Variants in EXOC2 observed in about 807,000 individuals in gnomAD.
The protein encoded by EXOC2 is exocyst complex component 2.
Under a neutral mutation model 131.8 loss-of-function variants are expected in EXOC2, and 70 were observed. The ratio of observed to expected loss-of-function variants is 0.53; its 90% CI spans 0.44 to 0.65. EXOC2 has a LOEUF of 0.65. Ranked by LOEUF, EXOC2 falls within the 30% of genes least tolerant of loss-of-function variation. EXOC2 has a pLI of 0.00. For missense variants in EXOC2, 923 were observed against 1,108.6 expected (o/e 0.83, Z 2.38); for synonymous variants, 411 against 398.4 (o/e 1.03, Z -0.38).
intron 23 of EXOC2, among the ~76,000 whole-genome samples, chr6:512,336 T>A (rs1000873147): frequency 1.3e-5 from 2 of 152,240 alleles, no homozygotes; most frequent in African/African-American, 4.8e-5. Context: ...CTCTTCCTCC[T>A]CAGCCTACTC....
intron 4 of EXOC2, among the ~76,000 whole-genome samples, chr6:620,461 C>T (rs1360589264): frequency 6.6e-6 from 1 of 152,302 alleles, no homozygotes; most frequent in East Asian, 1.9e-4. Flanking sequence ...GATTTGCCGC[C>T]CCCTCTAAGA....
chr6:603,100 G>A (rs1013407323), intron 7 of EXOC2, among the ~76,000 whole-genome samples: 1 of 152,176 alleles, frequency 6.6e-6, no homozygotes, highest in South Asian at 2.1e-4. Context: ...GACAGATCAC[G>A]GAAGTGATTT....
intron 6 of EXOC2, among the ~76,000 whole-genome samples, chr6:617,254 C>T (rs1761060534): frequency 6.6e-6 from 1 of 152,238 alleles, no homozygotes; most frequent in African/African-American, 2.4e-5. Context: ...CATACAACGT[C>T]CCTCCCATAC....
rs73371945 is a variant in EXOC2, at chr6:594,629, C to T, written c.1074-2042G>A. On this transcript the variant is annotated intron_variant, in intron 10 of 27. Transcript: ENST00000230449. Reference sequence around the variant, plus strand: ...TTGCTTAGTGGCTTTTTACATTATACGTCTCTTTAAAATGTTGACTGTGTC... The same window carrying T: ...TTGCTTAGTGGCTTTTTACATTATATGTCTCTTTAAAATGTTGACTGTGTC... Among the ~76,000 whole-genome samples, 1,158 of 152,284 alleles carry T rather than the reference C, an allele frequency of 7.6e-3. 13 individuals are homozygous for T. Among genetic ancestry groups the T allele is most frequent in the Middle Eastern group, 0.024 (7 of 294 alleles).
rs191210195 is a variant in EXOC2 at position 655,605 on chromosome 6, C to A, written c.-43-17744G>T. On this transcript the variant is annotated intron_variant, in intron 1 of 27. Coordinates refer to ENST00000230449, the MANE Select transcript of EXOC2 (RefSeq NM_018303.6). ...TAAAAACCATGTACACTGATATATTCTTTGACATATCCTATACAGAACACG... is the reference window on the plus strand; with the variant it reads ...TAAAAACCATGTACACTGATATATTATTTGACATATCCTATACAGAACACG... Among the ~76,000 whole-genome samples the A allele has an allele frequency of 7.9e-4, 120 of 152,268 alleles. 1 individual carries two copies. The highest frequency in any genetic ancestry group is 6.9e-3 in the Admixed American group (105 of 15,300).
At chr6:513,337 C>T (rs1387227333) in intron 23 of EXOC2, among the ~76,000 whole-genome samples, 1 of 152,252 alleles carries the variant, frequency 6.6e-6, no homozygotes, top group African/African-American at 2.4e-5. Context: ...GCTAAATGAT[C>T]TGCCGAACCT....
chr6:570,809 G>A (rs1758236766), intron 13 of EXOC2, among the ~76,000 whole-genome samples: 1 of 152,174 alleles, frequency 6.6e-6, no homozygotes, highest in Admixed American at 6.5e-5. Context: ...ACCTATGAAT[G>A]CCATCTGTCC....
chr6:624,584 T>G (rs1761457022), intron 4 of EXOC2, among the ~76,000 whole-genome samples: 1 of 152,228 alleles, frequency 6.6e-6, no homozygotes, highest in South Asian at 2.1e-4. Flanking sequence ...GGAAATGGCC[T>G]CTGAGAGGTT....
At chr6:647,475 T>C (rs1456569941) in intron 1 of EXOC2, among the ~76,000 whole-genome samples, 1 of 149,466 alleles carries the variant, frequency 6.7e-6, no homozygotes, top group African/African-American at 2.5e-5. Context: ...CTAGAGATGC[T>C]GAGTGTCTTT....
At chr6:673,900 C>T (rs894413932) in intron 1 of EXOC2, among the ~76,000 whole-genome samples, 26 of 152,096 alleles carry the variant, frequency 1.7e-4, no homozygotes, top group African/African-American at 5.8e-4. Context: ...AGGGTTACCA[C>T]AAACCTTCAT....
intron 23 of EXOC2, among the ~76,000 whole-genome samples, chr6:501,033 T>G (rs768495544): frequency 2.0e-4 from 28 of 141,950 alleles, no homozygotes; most frequent in South Asian, 8.4e-4. Flanking sequence ...GAGATATATA[T>G]AGAGACATAT....
Position 486,518 on chromosome 6 carries a change from G to A in EXOC2, c.*153C>T. 1 of 628,738 alleles carries A rather than the reference G, an allele frequency of 1.6e-6. No homozygotes were observed. Among genetic ancestry groups the A allele is most frequent in the Non-Finnish European group, 2.8e-6 (1 of 360,998 alleles). 38.9% of individuals were successfully genotyped at this position (628,738 alleles called of 1,614,324 possible). On this transcript the variant is annotated 3_prime_UTR_variant, in exon 28 of 28. Transcript: ENST00000230449. ...CATTTCAAATGAGGTCATTTTGGTT[G>A]AAATGTATACCAACAATTTTCGAAG...
chr6:551,684 G>A (rs951625290), intron 21 of EXOC2, among the ~76,000 whole-genome samples: 22 of 152,104 alleles, frequency 1.4e-4, no homozygotes, highest in Non-Finnish European at 2.6e-4. Flanking sequence ...GTCTCCATTC[G>A]GGAGGCCCTC....
At chr6:585,090 T>G (rs1237577234) in intron 11 of EXOC2, among the ~76,000 whole-genome samples, 1 of 152,174 alleles carries the variant, frequency 6.6e-6, no homozygotes, top group East Asian at 1.9e-4. Flanking sequence ...AAGTTTAACA[T>G]GTATAACAAT....
rs560222380 is a variant in EXOC2, at chr6:676,704, A to G, written c.-44+16315T>C. Among the ~76,000 whole-genome samples, 4 of 79,238 alleles carry G rather than the reference A, an allele frequency of 5.0e-5. 1 individual carries two copies. The highest frequency in any genetic ancestry group is 1.5e-4 in the African/African-American group (4 of 26,542). The allele number at this position is 79,238 out of a possible 152,430, so 52.0% of individuals were successfully genotyped here. A position where few individuals can be genotyped will look rare whatever the true frequency, so the allele number is the denominator to read the frequency against. Reference sequence around the variant, plus strand: ...TCTGCGGTTCCCCATACTCTTCAACATTACGGAAAGGACAGGTTCCTCTGG... The same window carrying G: ...TCTGCGGTTCCCCATACTCTTCAACGTTACGGAAAGGACAGGTTCCTCTGG... On this transcript the variant is annotated intron_variant, in intron 1 of 27. Transcript: ENST00000230449.
intron 1 of EXOC2, among the ~76,000 whole-genome samples, chr6:648,161 A>G (rs1279877964): frequency 1.3e-5 from 2 of 152,230 alleles, no homozygotes; most frequent in African/African-American, 4.8e-5. Flanking sequence ...TGCCTGCGAC[A>G]TAATATACAC....
chr6:585,379 T>C (rs1387534759), intron 11 of EXOC2, among the ~76,000 whole-genome samples: 1 of 152,234 alleles, frequency 6.6e-6, no homozygotes, highest in East Asian at 1.9e-4. Flanking sequence ...GGTGAGCTCC[T>C]GTCCTGGCCT....
intron 13 of EXOC2, among the ~76,000 whole-genome samples, chr6:570,385 G>A (rs549652219): frequency 7.9e-5 from 12 of 152,240 alleles, no homozygotes; most frequent in African/African-American, 2.4e-4. Context: ...CACCCGCCTC[G>A]GCCTCCCAAA....
intron 13 of EXOC2, among the ~76,000 whole-genome samples, chr6:571,946 T>G (rs1207761306): frequency 6.6e-6 from 1 of 152,234 alleles, no homozygotes; most frequent in Non-Finnish European, 1.5e-5. Flanking sequence ...TGTTCATGCC[T>G]TCTATGCTAT....
Sources: allele counts gnomAD v4.1 joint callset (sites outside exome capture counted in the v4.1 genomes callset), GRCh38; gene constraint gnomAD v4.1.1; transcripts MANE v1.5; gene names NCBI Gene and HGNC (gene_info 2026-07-23, HGNC 2026-07-21).